The following PTPRG variants were observed in gnomAD, a reference collection of about 807,000 sequenced individuals.
The protein encoded by PTPRG is protein tyrosine phosphatase receptor type G.
In PTPRG, 102 loss-of-function variants were observed where a neutral mutation model predicts 165.3. The ratio of observed to expected loss-of-function variants is 0.62; its 90% CI spans 0.53 to 0.73. The LOEUF is 0.73. PTPRG is among the 30% of genes least tolerant of loss of function. The pLI is 0.00. For synonymous variants in PTPRG, 675 were observed against 669.5 expected (o/e 1.01, Z -0.13); for missense variants, 1,866 against 1,861.4 (o/e 1.00, Z -0.05).
At chr3:61,635,332 A>T (rs916047689) in intron 1 of PTPRG, among the ~76,000 whole-genome samples, 6 of 148,410 alleles carry the variant, frequency 4.0e-5, no homozygotes, top group Admixed American at 6.8e-5. Context: ...ATAAAGTATT[A>T]ATTTATATAT....
intron 2 of PTPRG, among the ~76,000 whole-genome samples, chr3:61,946,249 G>C (rs143420273): frequency 6.6e-6 from 1 of 152,300 alleles, no homozygotes; most frequent in Non-Finnish European, 1.5e-5. Context: ...TATCAAATGT[G>C]TGATCAAGTC....
At chr3:62,078,020 A>C in intron 4 of PTPRG, 143 bp from the exon 5 acceptor site, 1 of 543,372 alleles carries the variant, frequency 1.8e-6, no homozygotes, top group Non-Finnish European at 3.2e-6. Flanking sequence ...AAAAAAAGTT[A>C]GCAAAGGAAA....
At chr3:61,681,054 T>TAAA (rs61198100) in intron 1 of PTPRG, among the ~76,000 whole-genome samples, 8,374 of 65,936 alleles carry the variant, frequency 0.13, 720 homozygotes, top group South Asian at 0.17. Context: ...CTTTATGTTC[T>TAAA]AAAAAAAAAA....
chr3:61,574,817 C>T (rs139699655), intron 1 of PTPRG, among the ~76,000 whole-genome samples: 200 of 152,248 alleles, frequency 1.3e-3, no homozygotes, highest in African/African-American at 4.7e-3. Flanking sequence ...GGGAAGTGGA[C>T]ATGTGCAAAG....
chr3:62,199,540 TA>T (rs1700047929), intron 10 of PTPRG, among the ~76,000 whole-genome samples: 1 of 152,196 alleles, frequency 6.6e-6, no homozygotes, highest in African/African-American at 2.4e-5. Flanking sequence ...GAGCTTTAGA[TA>T]AAGCTACCAT....
chr3:61,846,246 A>T (rs2107348480), intron 2 of PTPRG, among the ~76,000 whole-genome samples: 1 of 152,374 alleles, frequency 6.6e-6, no homozygotes, highest in South Asian at 2.1e-4. Flanking sequence ...GTTAAGGCTT[A>T]AAGCTACAAT....
At chr3:61,971,518 G>A (rs777458192) in intron 2 of PTPRG, among the ~76,000 whole-genome samples, 12 of 152,148 alleles carry the variant, frequency 7.9e-5, no homozygotes, top group Non-Finnish European at 1.2e-4. Context: ...ACAGTGCTGG[G>A]TACCATATTT....
At chr3:62,165,212 C>T (rs1704923602) in intron 7 of PTPRG, among the ~76,000 whole-genome samples, 1 of 152,228 alleles carries the variant, frequency 6.6e-6, no homozygotes, top group African/African-American at 2.4e-5. Context: ...AACCTTTCCT[C>T]ACAGGATTTT....
intron 5 of PTPRG, among the ~76,000 whole-genome samples, chr3:62,095,329 G>C (rs1397644071): frequency 6.6e-6 from 1 of 152,190 alleles, no homozygotes; most frequent in African/African-American, 2.4e-5. Context: ...AGATTTTTGT[G>C]AGGTGGTGTG....
At chr3:62,022,478 A>T (rs1017292744) in intron 4 of PTPRG, among the ~76,000 whole-genome samples, 5 of 152,192 alleles carry the variant, frequency 3.3e-5, no homozygotes, top group African/African-American at 1.2e-4. Context: ...TGGAAAGTTC[A>T]ACAGGTTTTA....
chr3:61,912,195 CT>C (rs1350282635), intron 2 of PTPRG, among the ~76,000 whole-genome samples: 1 of 151,966 alleles, frequency 6.6e-6, no homozygotes, highest in Non-Finnish European at 1.5e-5. Flanking sequence ...GTATAGTCAG[CT>C]TTAGAAATAC....
intron 2 of PTPRG, among the ~76,000 whole-genome samples, chr3:61,787,435 A>C (rs2034740248): frequency 1.3e-5 from 2 of 152,286 alleles, no homozygotes; most frequent in South Asian, 2.1e-4. Flanking sequence ...AAACTTTGCT[A>C]TGCTTAGTTT....
intron 4 of PTPRG, among the ~76,000 whole-genome samples, chr3:62,021,249 C>T (rs905769868): frequency 3.9e-5 from 6 of 152,122 alleles, no homozygotes; most frequent in African/African-American, 1.2e-4. Flanking sequence ...ATTGTTGGAC[C>T]TTTCGGCTCT....
intron 2 of PTPRG, among the ~76,000 whole-genome samples, chr3:61,793,554 A>G (rs755377401): frequency 5.9e-5 from 9 of 152,158 alleles, no homozygotes; most frequent in Non-Finnish European, 1.3e-4. Flanking sequence ...ATTTGAGTCA[A>G]TTCCTTATTT....
At chr3:61,616,664 A>G (rs540200554) in intron 1 of PTPRG, among the ~76,000 whole-genome samples, 2 of 152,298 alleles carry the variant, frequency 1.3e-5, no homozygotes, top group South Asian at 4.1e-4. Context: ...CTTCTGCAGA[A>G]TAAGGCATGT....
chr3:62,003,368 C>T lies in PTPRG; in HGVS notation c.390C>T (p.Asp130=), dbSNP rs189356599. The change falls in exon 4 of 30, where the codon GAC becomes GAT. Residue 130 remains aspartate, a synonymous_variant. Transcript: ENST00000474889. ...TGKTVAILLK[D]DYFVSGAGLP... ...ACACAGTCGCCATCCTTCTGAAAGA[C>T]GACTATTTTGTCAGTGGAGCTGGTC... 72 of 1,613,778 alleles carry T rather than the reference C, an allele frequency of 4.5e-5. No homozygotes were observed. The highest frequency in any genetic ancestry group is 1.2e-4 in the South Asian group (11 of 91,034).
intron 5 of PTPRG, among the ~76,000 whole-genome samples, chr3:62,081,455 T>G (rs1701578409): frequency 6.6e-6 from 1 of 152,072 alleles, no homozygotes; most frequent in African/African-American, 2.4e-5. Flanking sequence ...GGGATCCTCC[T>G]GCAACAGCCT....
intron 2 of PTPRG, among the ~76,000 whole-genome samples, chr3:61,804,612 G>T (rs2035354548): frequency 6.6e-6 from 1 of 151,176 alleles, no homozygotes; most frequent in Non-Finnish European, 1.5e-5. Flanking sequence ...AACTTCACTT[G>T]GTCCTATGCT....
intron 4 of PTPRG, among the ~76,000 whole-genome samples, chr3:62,027,115 A>C: frequency 6.6e-6 from 1 of 152,098 alleles, no homozygotes; most frequent in East Asian, 1.9e-4. Context: ...TTTTTTAAGC[A>C]TAGATCCCCC....
Sources: gnomAD v4.1 joint callset for allele counts (sites outside exome capture counted in the v4.1 genomes callset) on GRCh38, gnomAD v4.1.1 for gene constraint, MANE v1.5 for transcripts, NCBI Gene and HGNC (gene_info 2026-07-23, HGNC 2026-07-21) for gene names.